PLXNA4: variants seen among roughly 807,000 people sequenced by gnomAD.
PLXNA4 encodes the protein plexin A4, also known as plexin-A4.
PLXNA4 carries 44 observed loss-of-function variants against 191.8 expected under a neutral mutation model. That is an observed-to-expected ratio of 0.23 (90% CI 0.18 to 0.29). PLXNA4 has a LOEUF of 0.29. Ranked by LOEUF, PLXNA4 falls within the 10% of genes least tolerant of loss-of-function variation. PLXNA4 has a pLI of 1.00. For synonymous variants in PLXNA4, 1,082 were observed against 1,009.5 expected (o/e 1.07, Z -1.36); for missense variants, 1,800 against 2,488.8 (o/e 0.72, Z 5.89).
chr7:132,455,232 C>T (rs544057386), intron 3 of PLXNA4, among the ~76,000 whole-genome samples: 2 of 152,266 alleles, frequency 1.3e-5, no homozygotes, highest in South Asian at 2.1e-4. Flanking sequence ...AGCATGAAGC[C>T]CAGACAGCCC....
At position 132,181,599 on chromosome 7, in the gene PLXNA4, T is replaced by C. The variant is rs1360760220; in HGVS notation, c.3274A>G (p.Thr1092Ala). Residue 1092 changes from threonine (T) to alanine (A), a missense_variant, in exon 18 of 32, where the codon ACT becomes GCT. Physicochemically the swap from Thr to Ala is moderately conservative, Grantham distance 58. Around this residue, in one of 6 missense-constraint regions of PLXNA4, gnomAD observed 1,397 missense variants for 1,880.4 expected, o/e 0.74. Transcript: ENST00000321063. Reference protein sequence around the residue: ...HINICEVLNATEMTCQAPALA... With the variant: ...HINICEVLNAAEMTCQAPALA... ...GCGGGCGCCTGACAGGTCATCTCAGTAGCGTTCAGAACCTCACAGATCTGT... is the reference window on the plus strand; with the variant it reads ...GCGGGCGCCTGACAGGTCATCTCAGCAGCGTTCAGAACCTCACAGATCTGT... 1 of 1,614,028 alleles carries C rather than the reference T, an allele frequency of 6.2e-7. No individual in the cohort carries two copies.
chr7:132,368,490 C>T (rs1258368303), intron 3 of PLXNA4, among the ~76,000 whole-genome samples: 1 of 152,166 alleles, frequency 6.6e-6, no homozygotes, highest in South Asian at 2.1e-4. Context: ...CAGGAACCCC[C>T]ACTGACCTGG....
chr7:132,228,235 T>C (rs549970940), intron 6 of PLXNA4, 111 bp downstream of exon 6: 3 of 1,428,504 alleles, frequency 2.1e-6, no homozygotes, highest in South Asian at 2.6e-5. Context: ...CTGCTTCTGC[T>C]GGCCGGGCTT....
Position 132,433,361 on chromosome 7 carries a change from C to A in PLXNA4, c.1371+55931G>T, listed in dbSNP as rs115985495. Among the ~76,000 whole-genome samples the A allele has an allele frequency of 3.1e-3, 472 of 152,314 alleles. 2 individuals carry two copies. The highest frequency in any genetic ancestry group is 0.011 in the African/African-American group (444 of 41,580). Reference sequence around the variant, plus strand: ...GACAGGAAGCCTTCTACCCTACATACCCAGCAAAGGCTTCAGTGCCACCCT... The same window carrying A: ...GACAGGAAGCCTTCTACCCTACATAACCAGCAAAGGCTTCAGTGCCACCCT... On this transcript the variant is annotated intron_variant, in intron 3 of 31. Coordinates refer to ENST00000321063, the MANE Select transcript of PLXNA4 (RefSeq NM_020911.2).
chr7:132,379,861 G>C (rs550584424), intron 3 of PLXNA4, among the ~76,000 whole-genome samples: 1 of 152,310 alleles, frequency 6.6e-6, no homozygotes, highest in East Asian at 1.9e-4. Context: ...TGTACACACT[G>C]TCTCCAGATT....
At chr7:132,476,609 T>G (rs940430711) in intron 3 of PLXNA4, among the ~76,000 whole-genome samples, 5 of 152,170 alleles carry the variant, frequency 3.3e-5, no homozygotes, top group Non-Finnish European at 5.9e-5. Context: ...TCCTGAGAAA[T>G]GGAATTTAAT....
At chr7:132,130,942 G>A (rs1379191237) in intron 31 of PLXNA4, among the ~76,000 whole-genome samples, 1 of 152,162 alleles carries the variant, frequency 6.6e-6, no homozygotes, top group African/African-American at 2.4e-5. Flanking sequence ...TTCCATATCC[G>A]ATGGAAATGC....
At chr7:132,554,942 C>T (rs1800723227) in intron 1 of PLXNA4, among the ~76,000 whole-genome samples, 1 of 151,638 alleles carries the variant, frequency 6.6e-6, no homozygotes, top group Admixed American at 6.6e-5. Flanking sequence ...AGGTAGGCTC[C>T]AGGCAATAAT....
chr7:132,365,691 G>T (rs187088427), intron 3 of PLXNA4, among the ~76,000 whole-genome samples: 51 of 152,312 alleles, frequency 3.3e-4, no homozygotes, highest in Non-Finnish European at 5.7e-4. Context: ...AGAGAGAGAA[G>T]ACAGGCATCA....
At chr7:132,144,493 C>T (rs547286551) in intron 29 of PLXNA4, among the ~76,000 whole-genome samples, 2 of 152,312 alleles carry the variant, frequency 1.3e-5, no homozygotes, top group East Asian at 3.9e-4. Flanking sequence ...TGGTTAAGGG[C>T]AGGTCTCTTC....
At chr7:132,318,413 G>C (rs1221804525) in intron 3 of PLXNA4, among the ~76,000 whole-genome samples, 1 of 152,188 alleles carries the variant, frequency 6.6e-6, no homozygotes, top group Non-Finnish European at 1.5e-5. Flanking sequence ...TTGGACACTT[G>C]AGAGCGCTAA....
chr7:132,328,254 C>T (rs1015402686), intron 3 of PLXNA4, among the ~76,000 whole-genome samples: 5 of 152,064 alleles, frequency 3.3e-5, no homozygotes, highest in South Asian at 2.1e-4. Flanking sequence ...GGCACATCCT[C>T]GTCAGCCTGT....
At chr7:132,476,693 G>C (rs1797142870) in intron 3 of PLXNA4, among the ~76,000 whole-genome samples, 1 of 152,172 alleles carries the variant, frequency 6.6e-6, no homozygotes, top group Non-Finnish European at 1.5e-5. Context: ...GAGGGGAAGT[G>C]GGGGAATCTC....
intron 4 of PLXNA4, among the ~76,000 whole-genome samples, chr7:132,280,172 GA>G (rs1444457694): frequency 6.6e-6 from 1 of 152,138 alleles, no homozygotes; most frequent in Non-Finnish European, 1.5e-5. Context: ...CCAGCAGTTT[GA>G]AAAACACTGG....
At chr7:132,270,383 C>G (rs1352999295) in intron 4 of PLXNA4, among the ~76,000 whole-genome samples, 1 of 152,166 alleles carries the variant, frequency 6.6e-6, no homozygotes, top group Non-Finnish European at 1.5e-5. Context: ...TTCAATATAT[C>G]CCCTGAGGGC....
At chr7:132,267,303 G>A (rs1445441552) in intron 4 of PLXNA4, among the ~76,000 whole-genome samples, 1 of 152,158 alleles carries the variant, frequency 6.6e-6, no homozygotes, top group Non-Finnish European at 1.5e-5. Context: ...ATAGCCCAAG[G>A]GGAACACTTT....
chr7:132,628,315 C>A, intron 2 of PLXNA4, among the ~76,000 whole-genome samples: 1 of 152,166 alleles, frequency 6.6e-6, no homozygotes, highest in East Asian at 1.9e-4. Flanking sequence ...TTGACTCCTG[C>A]TCCTTTGTAT....
At chr7:132,239,636 T>A (rs1195439343) in intron 5 of PLXNA4, among the ~76,000 whole-genome samples, 1 of 152,200 alleles carries the variant, frequency 6.6e-6, no homozygotes, top group Non-Finnish European at 1.5e-5. Context: ...TGGCAAGGTA[T>A]CATTCAGGGA....
intron 2 of PLXNA4, 122 bp from the exon 3 acceptor site, chr7:132,489,596 C>CT: frequency 1.1e-6 from 1 of 920,276 alleles, no homozygotes; most frequent in Non-Finnish European, 1.5e-6. Flanking sequence ...AACAATCCCT[C>CT]TTTTTTACAT....
Sources: allele counts gnomAD v4.1 joint callset (sites outside exome capture counted in the v4.1 genomes callset), GRCh38; gene constraint gnomAD v4.1.1; regional missense constraint gnomAD v4.1.1; transcripts MANE v1.5; gene names NCBI Gene and HGNC (gene_info 2026-07-23, HGNC 2026-07-21).